BAZ1A: variants seen among roughly 807,000 people sequenced by gnomAD.
BAZ1A encodes bromodomain adjacent to zinc finger domain protein 1A.
Under a neutral mutation model 185.2 loss-of-function variants are expected in BAZ1A, and 50 were observed. The observed-to-expected ratio is 0.27, with a 90% confidence interval of 0.22 to 0.34. BAZ1A has a LOEUF of 0.34. BAZ1A is among the 10% of genes least tolerant of loss of function. The pLI, the probability that BAZ1A is intolerant of heterozygous loss-of-function variation, is 1.00. For missense variants in BAZ1A, 1,356 were observed against 1,839.9 expected (o/e 0.74, Z 4.81); for synonymous variants, 571 against 615.6 (o/e 0.93, Z 1.07).
Position 34,776,238 on chromosome 14 carries a change from C to T in BAZ1A, c.2514G>A (p.Leu838=), listed in dbSNP as rs367715496. The T allele has an allele frequency of 6.4e-5, 103 of 1,613,858 alleles. No homozygotes were observed. The highest frequency in any genetic ancestry group is 8.3e-5 in the Admixed American group (5 of 60,000). Residue 838 remains leucine, a synonymous_variant, in exon 18 of 27, where the codon TTG becomes TTA. Transcript: ENST00000360310. The part of the protein sequence containing the change: ...DYSGLTEDML[L]PRPSSFQNNV... Reference sequence around the variant, plus strand: ...TATTCTGAAATGATGAAGGTCTAGGCAACAGCATGTCTTCAGTAAGACCAG... The same window carrying T: ...TATTCTGAAATGATGAAGGTCTAGGTAACAGCATGTCTTCAGTAAGACCAG...
chr14:34,804,933 A>G (rs1422452245), intron 6 of BAZ1A, among the ~76,000 whole-genome samples: 1 of 152,182 alleles, frequency 6.6e-6, no homozygotes, highest in Non-Finnish European at 1.5e-5. Context: ...TGCTGATATA[A>G]TTTGGCTCTG....
chr14:34,836,742 CTTAAA>C (rs1331807866), intron 3 of BAZ1A, among the ~76,000 whole-genome samples: 1 of 151,770 alleles, frequency 6.6e-6, no homozygotes, highest in Non-Finnish European at 1.5e-5. Flanking sequence ...AAACAAAAAC[CTTAAA>C]TTAAGTTTAT....
chr14:34,780,009 C>T, intron 17 of BAZ1A, 177 bp downstream of exon 17: 2 of 696,544 alleles, frequency 2.9e-6, no homozygotes, highest in Non-Finnish European at 4.7e-6. Context: ...ACTAATAGGA[C>T]TTCATAACAC....
At chr14:34,797,567 A>T (rs1881266094) in intron 9 of BAZ1A, among the ~76,000 whole-genome samples, 1 of 152,044 alleles carries the variant, frequency 6.6e-6, no homozygotes, top group South Asian at 2.1e-4. Context: ...TCAAAAAAAA[A>T]AGTGTTAATT....
intron 3 of BAZ1A, among the ~76,000 whole-genome samples, chr14:34,839,455 C>CT (rs1335884219): frequency 6.7e-6 from 1 of 149,220 alleles, no homozygotes; most frequent in East Asian, 2.0e-4. Context: ...GAGAGGATGG[C>CT]TTTAGCCCAG....
At chr14:34,864,305 G>C (rs552595230) in intron 2 of BAZ1A, among the ~76,000 whole-genome samples, 4 of 151,574 alleles carry the variant, frequency 2.6e-5, no homozygotes, top group Admixed American at 2.6e-4. Context: ...CACTATACCT[G>C]GCTAATTTTT....
intron 2 of BAZ1A, among the ~76,000 whole-genome samples, chr14:34,865,587 G>C (rs1034311336): frequency 6.6e-6 from 1 of 151,972 alleles, no homozygotes; most frequent in African/African-American, 2.4e-5. Flanking sequence ...TTTTTAAAAA[G>C]GTATCTACGG....
Position 34,874,525 on chromosome 14 carries a change from C to G in BAZ1A, c.80G>C (p.Cys27Ser). Residue 27 changes from cysteine to serine, a missense_variant, in exon 2 of 27, where the codon TGT becomes TCT. By Grantham distance (112) the Cys-to-Ser change is moderately radical. Coordinates refer to ENST00000360310, the MANE Select transcript of BAZ1A (RefSeq NM_013448.3). The surrounding 1 kb of genome is among the most constrained non-coding windows in gnomAD (Gnocchi z 4.7). ...DLRPDEEVFY[C>S]KVTNEIFRHY... ...GCGGAAGATCTCGTTGGTGACTTTA[C>G]AGTAGAAAACTTCCTCGTCGGGCCG... 1 of 1,612,274 alleles carries G rather than the reference C, an allele frequency of 6.2e-7. No individual in the cohort carries two copies. Among genetic ancestry groups the G allele is most frequent in the Non-Finnish European group, 8.5e-7 (1 of 1,179,176 alleles).
chr14:34,851,971 C>G (rs889196007), intron 3 of BAZ1A, among the ~76,000 whole-genome samples: 12 of 150,898 alleles, frequency 8.0e-5, no homozygotes, highest in Admixed American at 2.0e-4. Flanking sequence ...ACTAAAAATA[C>G]AAAAAATTAG....
In BAZ1A at chr14:34,783,105, G is replaced by A. The variant is rs752404603; in HGVS notation, c.2111+14C>T. 3 of 1,537,786 alleles carry A rather than the reference G, an allele frequency of 2.0e-6. No homozygotes were observed. Among genetic ancestry groups the A allele is most frequent in the South Asian group, 1.1e-5 (1 of 88,034 alleles). On this transcript the variant is annotated intron_variant, in intron 16 of 26. Coordinates refer to ENST00000360310, the MANE Select transcript of BAZ1A (RefSeq NM_013448.3). ...GTATGGTAAAGCAGATGAACAGTGT[G>A]ATTCAAACCATACCCAATAGATATA...
chr14:34,848,376 C>T (rs2042547318), intron 3 of BAZ1A, among the ~76,000 whole-genome samples: 1 of 152,016 alleles, frequency 6.6e-6, no homozygotes, highest in African/African-American at 2.4e-5. Flanking sequence ...GAGGCCAAGG[C>T]AGGAGGACCA....
chr14:34,817,979 A>C (rs1456062625), intron 4 of BAZ1A, among the ~76,000 whole-genome samples: 1 of 152,186 alleles, frequency 6.6e-6, no homozygotes, highest in African/African-American at 2.4e-5. Context: ...CCAGCAATCC[A>C]CTTCTAGGCA....
At chr14:34,810,612 A>G (rs2041916062) in intron 5 of BAZ1A, among the ~76,000 whole-genome samples, 1 of 152,120 alleles carries the variant, frequency 6.6e-6, no homozygotes, top group Non-Finnish European at 1.5e-5. Flanking sequence ...CAAATGGCTC[A>G]ATAAGTCCAT....
intron 20 of BAZ1A, 58 bp downstream of exon 20, chr14:34,773,496 TAAAAACCAAAAAAAAAAA>T: frequency 7.9e-7 from 1 of 1,267,632 alleles, no homozygotes; most frequent in East Asian, 2.5e-5. Flanking sequence ...CATATTTACT[TAAAAACCAAAAAAAAAAA>T]AAAAACCTTA....
chr14:34,850,955 A>G (rs2042587145), intron 3 of BAZ1A, among the ~76,000 whole-genome samples: 1 of 152,176 alleles, frequency 6.6e-6, no homozygotes, highest in Non-Finnish European at 1.5e-5. Flanking sequence ...ACAGCTACCT[A>G]TCCACAAATT....
chr14:34,768,733 C>CT lies in BAZ1A; in HGVS notation c.3301+2777dup, dbSNP rs34320241. Reference sequence around the variant, plus strand: ...GATCTTCCTCTCTCTTTTTCTTGTCCTTTTTTTTTTCTATCTCCCTTTTGA... The same window carrying CT: ...GATCTTCCTCTCTCTTTTTCTTGTCCTTTTTTTTTTTCTATCTCCCTTTTGA... On this transcript the variant is annotated intron_variant, in intron 21 of 26. Transcript: ENST00000360310. 3,366 of 382,102 alleles carry CT rather than the reference C, an allele frequency of 8.8e-3. 1 individual carries two copies. The highest frequency in any genetic ancestry group is 0.012 in the South Asian group (611 of 50,096). 23.7% of individuals were successfully genotyped at this position (382,102 alleles called of 1,614,324 possible). A position where few individuals can be genotyped will look rare whatever the true frequency, so the allele number is the denominator to read the frequency against.
intron 16 of BAZ1A, among the ~76,000 whole-genome samples, chr14:34,782,756 T>C (rs1022429375): frequency 2.6e-5 from 4 of 152,232 alleles, no homozygotes; most frequent in Non-Finnish European, 5.9e-5. Context: ...CTTGTTTTCA[T>C]AGACAATCCT....
intron 3 of BAZ1A, among the ~76,000 whole-genome samples, chr14:34,847,731 T>G (rs1411728829): frequency 6.6e-6 from 1 of 152,242 alleles, no homozygotes; most frequent in Non-Finnish European, 1.5e-5. Context: ...ATGCATTTTA[T>G]GATTCATTAA....
chr14:34,858,597 G>T (rs1311066667), intron 3 of BAZ1A, among the ~76,000 whole-genome samples: 1 of 152,072 alleles, frequency 6.6e-6, no homozygotes, highest in African/African-American at 2.4e-5. Flanking sequence ...TTACAGGCTT[G>T]AGCCACCACA....
Sources: gnomAD v4.1 joint callset for allele counts (sites outside exome capture counted in the v4.1 genomes callset) on GRCh38, gnomAD v4.1.1 for gene constraint, Gnocchi (gnomAD v3.1) non-coding constraint, MANE v1.5 for transcripts, NCBI Gene and HGNC (gene_info 2026-07-23, HGNC 2026-07-21) for gene names.